The following ZNF721 variants were observed in gnomAD, a reference collection of about 807,000 sequenced individuals.
ZNF721 encodes the protein zinc finger protein 721.
A neutral mutation model predicts 2.4 loss-of-function variants in ZNF721; 2 were observed. That is an observed-to-expected ratio of 0.82 (90% CI 0.34 to 2.58). The LOEUF (loss-of-function observed/expected upper bound fraction) is 2.58. Among genes scored for constraint, ZNF721 ranks in the 30% most tolerant of loss-of-function variants. The pLI is 0.11. For synonymous variants in ZNF721, 398 were observed against 381.8 expected (o/e 1.04, Z -0.50); for missense variants, 1,187 against 1,085.5 (o/e 1.09, Z -1.31).
Position 444,186 on chromosome 4 carries a change from G to C in ZNF721, c.281C>G (p.Ala94Gly). 6.2e-7 allele frequency: 1 copy of C among 1,613,778 alleles called. No homozygotes were observed. Among genetic ancestry groups the C allele is most frequent in the South Asian group, 1.1e-5 (1 of 91,072 alleles). Residue 94 changes from alanine (A) to glycine (G), a missense_variant, in exon 3 of 3, where the codon GCA becomes GGA. Ala to Gly is a moderately conservative substitution (Grantham distance 60, BLOSUM62 0). Transcript: ENST00000511833. ...TCTTGTCTTATCTTTGTTTGAATTTGCAAATTTACTAAAAACTTTGACACG... is the reference window on the plus strand; with the variant it reads ...TCTTGTCTTATCTTTGTTTGAATTTCCAAATTTACTAAAAACTTTGACACG... Reference protein sequence around the residue: ...NARVKVFSKFANSNKDKTRHT... With the variant: ...NARVKVFSKFGNSNKDKTRHT...
At chr4:462,932 A>G (rs1715114268) in intron 2 of ZNF721, among the ~76,000 whole-genome samples, 1 of 152,252 alleles carries the variant, frequency 6.6e-6, no homozygotes, top group Admixed American at 6.5e-5. Flanking sequence ...GAGCTTCTGC[A>G]CAGCAAAAGA....
chr4:486,448 C>T (rs370929848), intron 1 of ZNF721, among the ~76,000 whole-genome samples: 6 of 152,256 alleles, frequency 3.9e-5, no homozygotes, highest in South Asian at 2.1e-4. Context: ...TGAGCCACCG[C>T]GCCCGGCCTT....
intron 2 of ZNF721, among the ~76,000 whole-genome samples, chr4:469,975 C>T (rs1715382037): frequency 6.6e-6 from 1 of 152,156 alleles, no homozygotes; most frequent in Non-Finnish European, 1.5e-5. Flanking sequence ...TCCCGCCTCC[C>T]GGGTTCACGC....
At chr4:464,230 G>C (rs1448886500) in intron 2 of ZNF721, among the ~76,000 whole-genome samples, 1 of 152,128 alleles carries the variant, frequency 6.6e-6, no homozygotes, top group Admixed American at 6.5e-5. Flanking sequence ...CAGCACTTTG[G>C]GAGGCCAAGG....
intron 2 of ZNF721, among the ~76,000 whole-genome samples, chr4:471,129 G>A (rs1715420035): frequency 6.6e-6 from 1 of 151,698 alleles, no homozygotes; most frequent in Non-Finnish European, 1.5e-5. Context: ...TTTTCCCAAA[G>A]ACATACATAC....
At chr4:447,046 G>A (rs1190934417) in intron 2 of ZNF721, among the ~76,000 whole-genome samples, 1 of 152,158 alleles carries the variant, frequency 6.6e-6, no homozygotes, top group Non-Finnish European at 1.5e-5. Context: ...ATTTTGCAGG[G>A]CACAGTGGCT....
Position 442,491 on chromosome 4 carries a change from T to C in ZNF721, c.1976A>G (p.His659Arg). 6.2e-7 allele frequency: 1 copy of C among 1,613,000 alleles called. No homozygotes were observed. The highest frequency in any genetic ancestry group is 8.5e-7 in the Non-Finnish European group (1 of 1,179,040). Residue 659 changes from histidine to arginine, a missense_variant, in exon 3 of 3, where the codon CAC becomes CGC. By Grantham distance (29) the His-to-Arg change is conservative (BLOSUM62 0). Transcript: ENST00000511833. ...AFAPSTDLNQ[H>R]TKILTGEQSY... ...TTGCTCTCCAGTAAGAATTTTCGTG[T>C]GTTGATTCAGGTCTGTTGATGGGGC...
intron 2 of ZNF721, among the ~76,000 whole-genome samples, chr4:472,072 G>GT (rs1222280417): frequency 3.3e-5 from 5 of 151,856 alleles, no homozygotes; most frequent in South Asian, 2.1e-4. Context: ...TTGTTTTTTG[G>GT]TTTTTTTGAG....
intron 2 of ZNF721, chr4:453,446 C>T (rs11737700): frequency 2.0e-5 from 3 of 152,156 alleles, no homozygotes; most frequent in Non-Finnish European, 4.4e-5. Flanking sequence ...TCTCTGTTTT[C>T]TCTTGACAGA....
intron 2 of ZNF721, among the ~76,000 whole-genome samples, chr4:446,215 C>T (rs1714467918): frequency 6.6e-6 from 1 of 152,068 alleles, no homozygotes; most frequent in Non-Finnish European, 1.5e-5. Flanking sequence ...TTCTGTACCA[C>T]TATCCTAATA....
intron 1 of ZNF721, among the ~76,000 whole-genome samples, chr4:473,553 A>G (rs1553868097): frequency 1.3e-5 from 2 of 152,158 alleles, no homozygotes; most frequent in Non-Finnish European, 2.9e-5. Context: ...GCAGCCCCCA[A>G]GCCACGAGCC....
chr4:474,926 C>T (rs1337146427), intron 1 of ZNF721, among the ~76,000 whole-genome samples: 1 of 152,102 alleles, frequency 6.6e-6, no homozygotes, highest in South Asian at 2.1e-4. Context: ...CAGTGGCTCA[C>T]GCCTGTAATC....
rs782358238 is a variant in ZNF721 at position 442,696 on chromosome 4, C to G, written c.1771G>C (p.Gly591Arg). The G allele has an allele frequency of 5.0e-5, 81 of 1,614,038 alleles. No homozygotes were observed. The highest frequency in any genetic ancestry group is 6.6e-5 in the Non-Finnish European group (78 of 1,179,990). The change falls in exon 3 of 3, where the codon GGC (glycine) becomes CGC (arginine). Residue 591 changes from glycine to arginine, a missense_variant. Gly to Arg is a moderately radical substitution (Grantham distance 125). Coordinates refer to ENST00000511833, the MANE Select transcript of ZNF721 (RefSeq NM_133474.4). ...TCTGTGTACCGTCCAAAGGCTTTGC[C>G]ACACTCTTCACATTTGTAAGGTTTC... is the stretch of plus-strand genomic sequence containing the variant. ...GEKPYKCEEC[G>R]KAFGRYTDLN...
intron 1 of ZNF721, among the ~76,000 whole-genome samples, chr4:495,068 G>C (rs1463360139): frequency 6.6e-6 from 1 of 151,916 alleles, no homozygotes; most frequent in Non-Finnish European, 1.5e-5. Context: ...ATTTTTAATA[G>C]AGACGAGGTT....
intron 2 of ZNF721, among the ~76,000 whole-genome samples, chr4:450,956 A>ATATAT (rs1486352513): frequency 3.1e-5 from 2 of 63,752 alleles, no homozygotes; most frequent in African/African-American, 1.5e-4. Flanking sequence ...AAAAAAAAAA[A>ATATAT]ATATATATAT....
rs1187776622 is a variant in ZNF721, at chr4:441,812, T to G, written c.2655A>C (p.Lys885Asn). 6.2e-7 allele frequency: 1 copy of G among 1,614,022 alleles called. No homozygotes were observed. The highest frequency in any genetic ancestry group is 8.5e-7 in the Non-Finnish European group (1 of 1,179,974). ...RQSANLYAHK[K>N]IHTGEKPYTC... is the part of the protein sequence containing the mutation. The stretch of plus-strand genomic sequence containing the variant: ...TGTAGGGTTTCTCTCCAGTATGAAT[T>G]TTCTTATGCGCATAAAGATTTGCAG... Residue 885 changes from lysine to asparagine, a missense_variant, in exon 3 of 3, where the codon AAA becomes AAC. Transcript: ENST00000511833.
chr4:459,093 A>G (rs1714937017), intron 2 of ZNF721, among the ~76,000 whole-genome samples: 1 of 152,200 alleles, frequency 6.6e-6, no homozygotes, highest in African/African-American at 2.4e-5. Flanking sequence ...TCCTTTACAA[A>G]CAAGCAAATG....
chr4:484,027 A>G (rs1382276187), intron 1 of ZNF721, among the ~76,000 whole-genome samples: 2 of 152,112 alleles, frequency 1.3e-5, no homozygotes, highest in African/African-American at 4.8e-5. Flanking sequence ...GGTCAGTGTT[A>G]TGGGAAGTCA....
intron 2 of ZNF721, among the ~76,000 whole-genome samples, chr4:448,156 G>A (rs554001900): frequency 6.6e-6 from 1 of 151,974 alleles, no homozygotes; most frequent in East Asian, 1.9e-4. Context: ...ACATATTAGG[G>A]CACAAAAAAA....
Sources: allele counts gnomAD v4.1 joint callset (sites outside exome capture counted in the v4.1 genomes callset), GRCh38; gene constraint gnomAD v4.1.1; transcripts MANE v1.5; gene names NCBI Gene and HGNC (gene_info 2026-07-23, HGNC 2026-07-21).